The following PRLR variants were observed in gnomAD, a reference collection of about 807,000 sequenced individuals.
The protein encoded by PRLR is hPRL receptor.
In PRLR, 13 loss-of-function variants were observed where a neutral mutation model predicts 40.2. The ratio of observed to expected loss-of-function variants is 0.32; its 90% CI spans 0.21 to 0.51. PRLR has a LOEUF of 0.51. Ranked by LOEUF, PRLR falls within the 20% of genes least tolerant of loss-of-function variation. PRLR has a pLI of 0.97. For missense variants in PRLR, 656 were observed against 747.3 expected (o/e 0.88, Z 1.42); for synonymous variants, 269 against 278.7 (o/e 0.97, Z 0.35).
Position 35,070,219 on chromosome 5 carries a change from T to G in PRLR, c.590A>C (p.His197Pro). 1 of 1,614,200 alleles carries G rather than the reference T, an allele frequency of 6.2e-7. No individual in the cohort carries two copies. Among genetic ancestry groups the G allele is most frequent in the Non-Finnish European group, 8.5e-7 (1 of 1,180,018 alleles). ...CTGGACAAGGTATTTCTGTCCTGGA[T>G]GTAGGCTGAGAATCTTAAACTCTGT... is the stretch of plus-strand genomic sequence containing the variant. ...QQTEFKILSL[H>P]PGQKYLVQVR... Residue 197 changes from histidine (H) to proline (P), a missense_variant, in exon 7 of 10, where the codon CAT (histidine) becomes CCT (proline). Physicochemically the swap from His to Pro is moderately conservative, Grantham distance 77. Around this residue, in one of 3 missense-constraint regions of PRLR, gnomAD observed 180 missense variants for 236.8 expected, o/e 0.76. Coordinates refer to ENST00000618457, the MANE Select transcript of PRLR (RefSeq NM_000949.7).
rs79604206 is a variant in PRLR, at chr5:35,188,556, G to A, written c.-106+41712C>T. ...GCAGTTGTTTTTCCCTGGTTGGGGC[G>A]ACTTGCATGGTTCTGTGTACACAGC... On this transcript the variant is annotated intron_variant, in intron 1 of 9. Coordinates refer to ENST00000618457, the MANE Select transcript of PRLR (RefSeq NM_000949.7). 4.9e-3 allele frequency among the ~76,000 whole-genome samples: 744 copies of A among 152,300 alleles called. 4 individuals carry two copies. Among genetic ancestry groups the A allele is most frequent in the South Asian group, 0.022 (105 of 4,824 alleles).
chr5:35,215,723 G>A lies in PRLR; in HGVS notation c.-106+14545C>T, dbSNP rs560942348. Among the ~76,000 whole-genome samples, 6 of 152,054 alleles carry A rather than the reference G, an allele frequency of 3.9e-5. No homozygotes were observed. In the South Asian group the frequency reaches 1.0e-3, roughly 26 times the overall value. On this transcript the variant is annotated intron_variant, in intron 1 of 9. Coordinates refer to ENST00000618457, the MANE Select transcript of PRLR (RefSeq NM_000949.7). Reference sequence around the variant, plus strand: ...CAAGTTCTGGGTCCTTGGAAGAGTGGAATCCATTGCTATTTAGAAATAGAA... The same window carrying A: ...CAAGTTCTGGGTCCTTGGAAGAGTGAAATCCATTGCTATTTAGAAATAGAA...
chr5:35,097,420 CGAGTTGTCCAAGGTCACACAGCTAGT>C (rs1266218595), intron 2 of PRLR, among the ~76,000 whole-genome samples: 6 of 152,066 alleles, frequency 3.9e-5, no homozygotes, highest in Non-Finnish European at 5.9e-5. Context: ...AGACGGTCTG[CGAGTTGTCCAAGGTCACACAGCTAGT>C]GAGTTGTCCA....
intron 5 of PRLR, 130 bp downstream of exon 5, chr5:35,084,340 G>T: frequency 1.1e-6 from 1 of 890,016 alleles, no homozygotes; most frequent in Non-Finnish European, 1.7e-6. Context: ...CTGTTGACAA[G>T]CATATCGTGA....
At chr5:35,051,225 C>A (rs1768487029), downstream of PRLR, among the ~76,000 whole-genome samples, 1 of 152,176 alleles carries the variant, frequency 6.6e-6, no homozygotes, top group Non-Finnish European at 1.5e-5. Context: ...GAGAGCACAT[C>A]CGTACTGCTA....
At chr5:35,077,584 G>T (rs1225229698) in intron 5 of PRLR, among the ~76,000 whole-genome samples, 1 of 152,140 alleles carries the variant, frequency 6.6e-6, no homozygotes, top group East Asian at 1.9e-4. Flanking sequence ...AAGAGACTTA[G>T]ACTCCCACAC....
intron 2 of PRLR, among the ~76,000 whole-genome samples, chr5:35,116,116 A>G (rs1471502711): frequency 2.0e-5 from 3 of 152,052 alleles, no homozygotes; most frequent in Non-Finnish European, 2.9e-5. Context: ...AGGGTGGAGG[A>G]TGATGGAGGC....
intron 5 of PRLR, chr5:35,081,441 C>A: frequency 5.3e-6 from 1 of 189,876 alleles, no homozygotes; most frequent in Non-Finnish European, 1.1e-5. Context: ...GACCTGCCAT[C>A]TGGATAAACC....
intron 1 of PRLR, among the ~76,000 whole-genome samples, chr5:35,191,466 T>C (rs1208982658): frequency 6.6e-6 from 1 of 152,204 alleles, no homozygotes; most frequent in Non-Finnish European, 1.5e-5. Context: ...AAGGGACTTC[T>C]GAGGAACATC....
intron 1 of PRLR, among the ~76,000 whole-genome samples, chr5:35,181,602 ACTCAT>A (rs1775299516): frequency 2.6e-5 from 4 of 152,196 alleles, no homozygotes; most frequent in African/African-American, 9.7e-5. Flanking sequence ...TAACATCAGA[ACTCAT>A]TTACAGATTA....
downstream of PRLR, among the ~76,000 whole-genome samples, chr5:35,052,499 A>C (rs938648907): frequency 6.6e-6 from 1 of 152,114 alleles, no homozygotes; most frequent in East Asian, 1.9e-4. Flanking sequence ...GTTCTCTTTG[A>C]CCTGCTGCCC....
chr5:35,081,918 C>A, intron 5 of PRLR: 2 of 202,314 alleles, frequency 9.9e-6, no homozygotes, highest in South Asian at 1.0e-4. Flanking sequence ...ACCACTTTGT[C>A]AAGCCCATTT....
intron 2 of PRLR, among the ~76,000 whole-genome samples, chr5:35,102,486 GTCTC>G (rs1198952693): frequency 4.7e-4 from 42 of 89,392 alleles, no homozygotes; most frequent in South Asian, 6.9e-4. Flanking sequence ...GTCCCGTCCC[GTCTC>G]CTCTCCACTC....
At chr5:35,071,859 CA>C (rs142617830) in intron 6 of PRLR, among the ~76,000 whole-genome samples, 1 of 151,446 alleles carries the variant, frequency 6.6e-6, no homozygotes, top group African/African-American at 2.4e-5. Context: ...TTCTGCCTCC[CA>C]AAGTGCTGGG....
At chr5:35,134,063 G>T (rs982232954) in intron 1 of PRLR, among the ~76,000 whole-genome samples, 1 of 152,122 alleles carries the variant, frequency 6.6e-6, no homozygotes, top group Admixed American at 6.6e-5. Context: ...AGGGATAAAA[G>T]ACTACAAATT....
At chr5:35,084,759 G>T in intron 4 of PRLR, 120 bp from the exon 5 acceptor site, 2 of 888,002 alleles carry the variant, frequency 2.3e-6, no homozygotes, top group Non-Finnish European at 3.4e-6. Flanking sequence ...AAAACCCAGA[G>T]CTGACAAATG....
At chr5:35,213,078 A>C (rs1048996283) in intron 1 of PRLR, among the ~76,000 whole-genome samples, 9 of 152,200 alleles carry the variant, frequency 5.9e-5, no homozygotes, top group Admixed American at 5.2e-4. Flanking sequence ...CTGCTTGAAT[A>C]ATCAGAGCTA....
intron 1 of PRLR, among the ~76,000 whole-genome samples, chr5:35,226,017 TAAAAA>T (rs1776539560): frequency 6.6e-6 from 1 of 152,260 alleles, no homozygotes; most frequent in East Asian, 1.9e-4. Context: ...TACTAGGTCT[TAAAAA>T]TCTGGGGTGC....
At chr5:35,157,388 T>C (rs6879521) in intron 1 of PRLR, among the ~76,000 whole-genome samples, 1,754 of 152,260 alleles carry the variant, frequency 0.012, 34 homozygotes, top group African/African-American at 0.039. Context: ...GGGGCTGAGG[T>C]ATAGATGCTA....
Sources: gnomAD v4.1 joint callset for allele counts (sites outside exome capture counted in the v4.1 genomes callset) on GRCh38, gnomAD v4.1.1 for gene constraint, gnomAD v4.1.1 regional missense constraint, MANE v1.5 for transcripts, NCBI Gene and HGNC (gene_info 2026-07-23, HGNC 2026-07-21) for gene names.